The following ADI1 variants were observed in gnomAD, a reference collection of about 807,000 sequenced individuals.
ADI1 encodes the protein acireductone dioxygenase 1, also known as acireductone dioxygenase.
ADI1 carries 21 observed loss-of-function variants against 18.7 expected under a neutral mutation model. The observed-to-expected ratio is 1.13, with a 90% CI of 0.80 to 1.62. The LOEUF (loss-of-function observed/expected upper bound fraction) is 1.62. Among genes scored for constraint, ADI1 ranks in the 40% most tolerant of loss-of-function variants. The pLI, the probability that ADI1 is intolerant of heterozygous loss-of-function variation, is 0.00. For missense variants in ADI1, 245 were observed against 254.9 expected (o/e 0.96, Z 0.26); for synonymous variants, 90 against 100.1 (o/e 0.90, Z 0.60).
intron 3 of ADI1, 138 bp downstream of exon 3, chr2:3,500,676 C>A: frequency 8.5e-7 from 1 of 1,179,730 alleles, no homozygotes; most frequent in Non-Finnish European, 1.2e-6. Flanking sequence ...ACAGACTCTC[C>A]TTGAAGCACA....
chr2:3,499,081 T>C lies in ADI1; in HGVS notation c.422A>G (p.Asn141Ser), dbSNP rs1201424813. 1.4e-5 allele frequency: 22 copies of C among 1,613,030 alleles called. No individual in the cohort carries two copies. The highest frequency in any genetic ancestry group is 1.9e-5 in the Non-Finnish European group (22 of 1,179,218). The change falls in exon 4 of 4, where the codon AAC becomes AGC. Residue 141 changes from asparagine to serine, a missense_variant and splice_region_variant. Asn to Ser is a conservative substitution (Grantham distance 46, BLOSUM62 1). Transcript: ENST00000327435. ...AAACAGCCGCATGGCCTTCGTGTAGTTCTGGAAAACAGACAAACACACCCA... is the reference window on the plus strand; with the variant it reads ...AAACAGCCGCATGGCCTTCGTGTAGCTCTGGAAAACAGACAAACACACCCA... ...IYHRFTVDEK[N>S]YTKAMRLFVG...
Position 3,501,278 on chromosome 2 carries a change from C to T in ADI1, c.241-285G>A, listed in dbSNP as rs182268631. On this transcript the variant is annotated intron_variant, in intron 2 of 3. Coordinates refer to ENST00000327435, the MANE Select transcript of ADI1 (RefSeq NM_018269.4). Reference sequence around the variant, plus strand: ...CACAGGCCAACTCACCCAACCCGCACGGCCCCACGAGGTGGCTGCTCTATC... The same window carrying T: ...CACAGGCCAACTCACCCAACCCGCATGGCCCCACGAGGTGGCTGCTCTATC... 3.0e-3 allele frequency among the ~76,000 whole-genome samples: 455 copies of T among 152,340 alleles called. 3 individuals carry two copies. The highest frequency in any genetic ancestry group is 5.2e-3 in the South Asian group (25 of 4,822).
chr2:3,517,569 C>G (rs748478898), intron 1 of ADI1: 1 of 152,178 alleles, frequency 6.6e-6, no homozygotes, highest in Non-Finnish European at 1.5e-5. Context: ...AGTTCAAGAT[C>G]AGCCTGACCA....
rs1294901904 is a variant in ADI1 at position 3,519,466 on chromosome 2, C to T, written c.22G>A (p.Asp8Asn). Residue 8 changes from aspartate to asparagine, a missense_variant, in exon 1 of 4, where the codon GAC (aspartate) becomes AAC (asparagine). Coordinates refer to ENST00000327435, the MANE Select transcript of ADI1 (RefSeq NM_018269.4). MVQAWYMDDAPGDPRQPH... is the reference protein window; with the variant it reads MVQAWYMNDAPGDPRQPH... ...TGCCGCGGGTCGCCCGGGGCGTCGT[C>T]CATATACCAGGCCTGCACCATGACG... 1 of 1,354,218 alleles carries T rather than the reference C, an allele frequency of 7.4e-7. No homozygotes were observed. The highest frequency in any genetic ancestry group is 9.5e-7 in the Non-Finnish European group (1 of 1,056,834). 83.9% of individuals were successfully genotyped at this position (1,354,218 alleles called of 1,614,324 possible). A position where few individuals can be genotyped will look rare whatever the true frequency, so the allele number is the denominator to read the frequency against.
chr2:3,518,988 C>A (rs1279367313), intron 1 of ADI1, among the ~76,000 whole-genome samples: 1 of 151,296 alleles, frequency 6.6e-6, no homozygotes, highest in Non-Finnish European at 1.5e-5. Flanking sequence ...CGCCGACCCC[C>A]ACCAGCCCCG....
At position 3,500,979 on chromosome 2, in the gene ADI1, G is replaced by A. The variant is rs139421530; in HGVS notation, c.255C>T (p.Tyr85=). ...PNYEEKIKMF[Y]EEHLHLDDEI... ...CATCGTCCAAGTGCAAATGCTCCTC[G>A]TAGAACATCTTAATCTAGTGCAGAA... is the stretch of plus-strand genomic sequence containing the variant. The change falls in exon 3 of 4, where the codon TAC becomes TAT. Residue 85 remains tyrosine, a synonymous_variant. Transcript: ENST00000327435. 3.9e-5 allele frequency: 62 copies of A among 1,608,968 alleles called. No homozygotes were observed. The East Asian group carries it at 8.7e-4, about 23-fold the overall frequency.
chr2:3,501,515 C>T (rs1227996548), intron 2 of ADI1, among the ~76,000 whole-genome samples: 19 of 152,150 alleles, frequency 1.2e-4, no homozygotes. Context: ...CAAGCATTTT[C>T]TATGTCTTCA....
intron 1 of ADI1, chr2:3,515,393 G>A (rs1667378736): frequency 6.6e-6 from 1 of 152,170 alleles, no homozygotes; most frequent in African/African-American, 2.4e-5. Context: ...GGCTTACTAA[G>A]GTGGGGAAAA....
At position 3,501,671 on chromosome 2, in the gene ADI1, G is replaced by A. The variant is rs1291112353; in HGVS notation, c.241-678C>T. ...GCCTCCCAAGTAGCTGGGATTACAG[G>A]TACCTACCACTATACCCAGCTAATT... On this transcript the variant is annotated intron_variant, in intron 2 of 3. Coordinates refer to ENST00000327435, the MANE Select transcript of ADI1 (RefSeq NM_018269.4). 3.3e-5 allele frequency among the ~76,000 whole-genome samples: 5 copies of A among 152,038 alleles called. 1 individual carries two copies. The East Asian group carries it at 9.7e-4, about 30-fold the overall frequency.
intron 2 of ADI1, among the ~76,000 whole-genome samples, chr2:3,505,655 G>A (rs968652148): frequency 6.6e-6 from 1 of 152,304 alleles, no homozygotes; most frequent in South Asian, 2.1e-4. Flanking sequence ...ATGAGAGCCT[G>A]ACCTGGGTGA....
In ADI1 at chr2:3,498,966, G is replaced by C. The variant is rs151206448; in HGVS notation, c.537C>G (p.Ala179=). The C allele has an allele frequency of 3.2e-5, 52 of 1,611,178 alleles. No individual in the cohort carries two copies. Among genetic ancestry groups the C allele is most frequent in the Non-Finnish European group, 4.3e-5 (51 of 1,177,728 alleles). Residue 179 remains alanine (A), a synonymous_variant, in exon 4 of 4, where the codon GCC becomes GCG. Coordinates refer to ENST00000327435, the MANE Select transcript of ADI1 (RefSeq NM_018269.4). ...TGTTAGTTCCCAGGCAGCACTGCTAGGCGGTCTGTGCCAGAAATTTCACGT... is the reference window on the plus strand; with the variant it reads ...TGTTAGTTCCCAGGCAGCACTGCTACGCGGTCTGTGCCAGAAATTTCACGT... The part of the protein sequence containing the change: ...GQYVKFLAQT[A]
At chr2:3,508,111 G>A (rs1442216307) in intron 2 of ADI1, among the ~76,000 whole-genome samples, 1 of 152,010 alleles carries the variant, frequency 6.6e-6, no homozygotes, top group East Asian at 1.9e-4. Context: ...GAGGAGGGTG[G>A]ATTACGAGGT....
intron 1 of ADI1, chr2:3,515,669 A>T (rs1407570148): frequency 6.6e-6 from 1 of 152,466 alleles, no homozygotes; most frequent in South Asian, 2.1e-4. Context: ...AGCCTGTGAT[A>T]TTTGTACCTA....
rs755142570 is a variant in ADI1, at chr2:3,516,898, T to G, written c.120+2470A>C. 8.6e-4 allele frequency: 844 copies of G among 979,102 alleles called. 1 individual carries two copies. Among genetic ancestry groups the G allele is most frequent in the Non-Finnish European group, 9.9e-4 (821 of 826,922 alleles). The allele number at this position is 979,102 out of a possible 1,614,324, so 60.7% of individuals were successfully genotyped here. On this transcript the variant is annotated intron_variant, in intron 1 of 3. Transcript: ENST00000327435. The stretch of plus-strand genomic sequence containing the variant: ...ACATATATATAATGTTAATATGGGG[T>G]GTGTGTGTGGCTTTTTTGTTTTTTG...
chr2:3,498,675 C>A lies in ADI1; in HGVS notation c.*288G>T, dbSNP rs1258324586. On this transcript the variant is annotated 3_prime_UTR_variant, in exon 4 of 4. Transcript: ENST00000327435. ...GATGGGCATCTAAGGAACTGCATTT[C>A]GGGAGATGAAACTTTCATTTGGGAC... 3.2e-6 allele frequency: 1 copy of A among 314,950 alleles called. No homozygotes were observed. The highest frequency in any genetic ancestry group is 5.7e-6 in the Non-Finnish European group (1 of 174,760). The allele number at this position is 314,950 out of a possible 1,614,324, so 19.5% of individuals were successfully genotyped here. A position where few individuals can be genotyped will look rare whatever the true frequency, so the allele number is the denominator to read the frequency against.
chr2:3,512,619 G>A (rs901148163), intron 2 of ADI1, among the ~76,000 whole-genome samples: 1 of 152,226 alleles, frequency 6.6e-6, no homozygotes, highest in African/African-American at 2.4e-5. Flanking sequence ...TGCAAGGGTT[G>A]AGGCTTGGGA....
chr2:3,512,415 T>C (rs1441773540), intron 2 of ADI1, among the ~76,000 whole-genome samples: 2 of 152,218 alleles, frequency 1.3e-5, no homozygotes, highest in African/African-American at 4.8e-5. Context: ...AATGGTTTCA[T>C]GGGTCAGGCC....
chr2:3,498,810 A>G lies in ADI1; in HGVS notation c.*153T>C, dbSNP rs1444794716. On this transcript the variant is annotated 3_prime_UTR_variant, in exon 4 of 4. Transcript: ENST00000327435. Reference sequence around the variant, plus strand: ...TCCAAGTTGCTTTCTAGATCCTTTCATTACAAAATATTCTGATCAAATAAT... The same window carrying G: ...TCCAAGTTGCTTTCTAGATCCTTTCGTTACAAAATATTCTGATCAAATAAT... 3 of 1,320,974 alleles carry G rather than the reference A, an allele frequency of 2.3e-6. No individual in the cohort carries two copies. Among genetic ancestry groups the G allele is most frequent in the Non-Finnish European group, 3.1e-6 (3 of 976,384 alleles). 81.8% of individuals were successfully genotyped at this position (1,320,974 alleles called of 1,614,324 possible).
At chr2:3,501,327 A>G (rs1265173789) in intron 2 of ADI1, among the ~76,000 whole-genome samples, 4 of 152,122 alleles carry the variant, frequency 2.6e-5, no homozygotes, top group African/African-American at 9.7e-5. Context: ...AGATGTGGAA[A>G]TGGTGGCACA....
Sources: gnomAD v4.1 joint callset for allele counts (sites outside exome capture counted in the v4.1 genomes callset) on GRCh38, gnomAD v4.1.1 for gene constraint, MANE v1.5 for transcripts, NCBI Gene and HGNC (gene_info 2026-07-23, HGNC 2026-07-21) for gene names.